AGPAT5: variants seen among roughly 807,000 people sequenced by gnomAD.
AGPAT5 encodes 1-acyl-sn-glycerol-3-phosphate acyltransferase epsilon.
A neutral mutation model predicts 45.6 loss-of-function variants in AGPAT5; 46 were observed. That is an observed-to-expected ratio of 1.01 (90% CI 0.80 to 1.29). AGPAT5 has a LOEUF of 1.29. Among genes scored for constraint, AGPAT5 ranks in the 50% most tolerant of loss-of-function variants. The probability of loss-of-function intolerance (pLI) is 0.00; values close to 1 mark genes in which losing one functional copy is unlikely to be tolerated. For synonymous variants in AGPAT5, 272 were observed against 167.0 expected, an observed-to-expected ratio of 1.63 and a Z score of -4.85; for missense variants, 673 against 450.7, an observed-to-expected ratio of 1.49 and a Z score of -4.47.
At chr8:6,712,047 C>A (rs762447476) in intron 1 of AGPAT5, among the ~76,000 whole-genome samples, 5 of 152,218 alleles carry the variant, frequency 3.3e-5, no homozygotes, top group Admixed American at 2.0e-4. Context: ...TCCCCCACAA[C>A]AATGAACTCC....
At chr8:6,741,569 C>G (rs970038919) in intron 4 of AGPAT5, 92 bp from the exon 5 acceptor site, 1 of 805,604 alleles carries the variant, frequency 1.2e-6, no homozygotes, top group African/African-American at 1.7e-5. Flanking sequence ...AGGAAATACT[C>G]TGTTAGCATT....
intron 4 of AGPAT5, among the ~76,000 whole-genome samples, chr8:6,734,696 G>C (rs1800983919): frequency 6.6e-6 from 1 of 152,022 alleles, no homozygotes; most frequent in Admixed American, 6.6e-5. Context: ...TTTTTTGTAA[G>C]ACAGGAGAAA....
chr8:6,751,364 G>T (rs1801649512), intron 6 of AGPAT5, among the ~76,000 whole-genome samples: 2 of 152,154 alleles, frequency 1.3e-5, no homozygotes, highest in South Asian at 4.1e-4. Flanking sequence ...AAGCATTCTG[G>T]GGGATCACTG....
At chr8:6,726,641 TA>T (rs1036785074) in intron 2 of AGPAT5, among the ~76,000 whole-genome samples, 6 of 151,920 alleles carry the variant, frequency 3.9e-5, no homozygotes, top group African/African-American at 1.2e-4. Context: ...AAAAACAGAT[TA>T]AAAAAAACAA....
At chr8:6,756,609 C>CA (rs11300826) in intron 7 of AGPAT5, among the ~76,000 whole-genome samples, 4,597 of 122,858 alleles carry the variant, frequency 0.037, 175 homozygotes, top group African/African-American at 0.11. Context: ...TGCCTTTTTT[C>CA]AAAAAAAAAA....
At chr8:6,728,208 G>T (rs1250893648) in intron 2 of AGPAT5, among the ~76,000 whole-genome samples, 1 of 152,172 alleles carries the variant, frequency 6.6e-6, no homozygotes, top group Admixed American at 6.5e-5. Context: ...TGGCTTGATT[G>T]CCATGGAAGA....
intron 1 of AGPAT5, among the ~76,000 whole-genome samples, chr8:6,719,999 C>T (rs1587007160): frequency 6.6e-6 from 1 of 152,192 alleles, no homozygotes; most frequent in South Asian, 2.1e-4. Flanking sequence ...CTTTACAGAA[C>T]ACACCCATGA....
At chr8:6,719,505 A>G (rs1300539507) in intron 1 of AGPAT5, among the ~76,000 whole-genome samples, 2 of 152,192 alleles carry the variant, frequency 1.3e-5, no homozygotes, top group Non-Finnish European at 2.9e-5. Flanking sequence ...ACAAGAGGGA[A>G]CCTGATTATG....
chr8:6,718,171 G>A (rs996760028), intron 1 of AGPAT5, among the ~76,000 whole-genome samples: 2 of 152,202 alleles, frequency 1.3e-5, no homozygotes, highest in Non-Finnish European at 2.9e-5. Context: ...CAAAAGACAG[G>A]ATGTAAAATA....
At chr8:6,740,963 G>T (rs865888410) in intron 4 of AGPAT5, among the ~76,000 whole-genome samples, 5 of 152,208 alleles carry the variant, frequency 3.3e-5, no homozygotes, top group African/African-American at 1.2e-4. Flanking sequence ...CTCAAGCTAG[G>T]AGTTTTTGCT....
intron 6 of AGPAT5, among the ~76,000 whole-genome samples, chr8:6,754,094 C>G (rs1801747002): frequency 6.6e-6 from 1 of 152,200 alleles, no homozygotes. Flanking sequence ...TTAGTCAGCT[C>G]TTAAATCTTA....
Position 6,723,711 on chromosome 8 carries a change from A to T in AGPAT5, c.220-1159A>T, listed in dbSNP as rs1024188398. Reference sequence around the variant, plus strand: ...AAACTCATTGTGCAAATGTTTAAACATACTACATACATAGCACTGTGCAGT... The same window carrying T: ...AAACTCATTGTGCAAATGTTTAAACTTACTACATACATAGCACTGTGCAGT... On this transcript the variant is annotated intron_variant, in intron 1 of 7. Coordinates refer to ENST00000285518, the MANE Select transcript of AGPAT5 (RefSeq NM_018361.5). Among the ~76,000 whole-genome samples the T allele has an allele frequency of 2.0e-5, 3 of 152,328 alleles. No homozygotes were observed. In the South Asian group the frequency reaches 6.2e-4, roughly 32 times the overall value.
intron 4 of AGPAT5, 146 bp from the exon 5 acceptor site, chr8:6,741,515 A>C: frequency 1.9e-6 from 1 of 519,370 alleles, no homozygotes; most frequent in Non-Finnish European, 3.4e-6. Context: ...GCCCCTCTTG[A>C]AACGAAGGTC....
chr8:6,723,541 G>T (rs574285053), intron 1 of AGPAT5, among the ~76,000 whole-genome samples: 60 of 151,608 alleles, frequency 4.0e-4, no homozygotes, highest in African/African-American at 1.4e-3. Flanking sequence ...TTTTAAATCA[G>T]TGCATACTCA....
Position 6,708,867 on chromosome 8 carries a change from G to T in AGPAT5, c.199G>T (p.Glu67Ter). ...VYQSMVLFFF[E>*]NYTGVQILLY... ...CCAGAGCATGGTGCTCTTCTTCTTC[G>T]AGAATTACACCGGGGTCCAGGTGAG... The change falls in exon 1 of 8, where the codon GAG becomes TAG. Residue 67 changes from glutamate to a stop codon, truncating the protein, a stop_gained. Coordinates refer to ENST00000285518, the MANE Select transcript of AGPAT5 (RefSeq NM_018361.5). LOFTEE classifies it high-confidence loss of function. The T allele has an allele frequency of 1.2e-6, 2 of 1,607,736 alleles. No individual in the cohort carries two copies. The highest frequency in any genetic ancestry group is 1.7e-6 in the Non-Finnish European group (2 of 1,177,702).
intron 1 of AGPAT5, among the ~76,000 whole-genome samples, chr8:6,716,356 C>G (rs1245390404): frequency 6.6e-6 from 1 of 151,900 alleles, no homozygotes; most frequent in Admixed American, 6.6e-5. Context: ...GTCAGGCATT[C>G]GAGACCAGTC....
At chr8:6,712,461 G>A (rs953387226) in intron 1 of AGPAT5, among the ~76,000 whole-genome samples, 2 of 152,098 alleles carry the variant, frequency 1.3e-5, no homozygotes, top group African/African-American at 4.8e-5. Flanking sequence ...ATGATGTGGT[G>A]AATATACTGG....
chr8:6,711,534 C>A (rs146200500), intron 1 of AGPAT5, among the ~76,000 whole-genome samples: 1 of 152,150 alleles, frequency 6.6e-6, no homozygotes, highest in African/African-American at 2.4e-5. Context: ...TAATTTGAGA[C>A]TATTGAAAAT....
At chr8:6,743,884 T>C (rs1171135935) in intron 5 of AGPAT5, among the ~76,000 whole-genome samples, 5 of 152,070 alleles carry the variant, frequency 3.3e-5, no homozygotes, top group Admixed American at 1.3e-4. Context: ...GTGTCTATAA[T>C]GGCAAACCAG....
Sources: gnomAD v4.1 joint callset for allele counts (sites outside exome capture counted in the v4.1 genomes callset) on GRCh38, gnomAD v4.1.1 for gene constraint, MANE v1.5 for transcripts, NCBI Gene and HGNC (gene_info 2026-07-23, HGNC 2026-07-21) for gene names.